The following HORMAD2 variants were observed in gnomAD, a reference collection of about 807,000 sequenced individuals.
HORMAD2 encodes HORMA domain containing 2, also known as HORMA domain-containing protein 2.
Under a neutral mutation model 38.8 loss-of-function variants are expected in HORMAD2, and 45 were observed. That is an observed-to-expected ratio of 1.16 (90% CI 0.91 to 1.49). The LOEUF is 1.49. Ranked by LOEUF, HORMAD2 falls within the 40% of genes most tolerant of loss-of-function variation. The pLI is 0.00. For missense variants in HORMAD2, 338 were observed against 367.0 expected, an observed-to-expected ratio of 0.92 and a Z score of 0.65; for synonymous variants, 126 against 122.8, an observed-to-expected ratio of 1.03 and a Z score of -0.17.
chr22:30,112,936 A>T (rs1256228682), intron 7 of HORMAD2, among the ~76,000 whole-genome samples: 2 of 152,138 alleles, frequency 1.3e-5, no homozygotes, highest in African/African-American at 2.4e-5. Context: ...TTGGGAAAAT[A>T]AATGAGATAT....
chr22:30,121,527 T>G, intron 8 of HORMAD2, 105 bp from the exon 9 acceptor site: 1 of 865,250 alleles, frequency 1.2e-6, no homozygotes, highest in Non-Finnish European at 1.6e-6. Context: ...CAAAATATAC[T>G]AATGTTTAAT....
chr22:30,108,866 T>C (rs74823740), intron 5 of HORMAD2, among the ~76,000 whole-genome samples: 2,787 of 152,238 alleles, frequency 0.018, 83 homozygotes, highest in African/African-American at 0.063. Flanking sequence ...TCCTTTGATA[T>C]GAAATTATGG....
intron 4 of HORMAD2, 62 bp from the exon 5 acceptor site, chr22:30,104,339 A>G: frequency 1.5e-6 from 2 of 1,314,358 alleles, no homozygotes; most frequent in Non-Finnish European, 2.2e-6. Flanking sequence ...TGAATTCTGT[A>G]CTTGGAATTT....
At chr22:30,134,776 G>A (rs1301870962) in intron 10 of HORMAD2, among the ~76,000 whole-genome samples, 1 of 151,968 alleles carries the variant, frequency 6.6e-6, no homozygotes, top group Non-Finnish European at 1.5e-5. Context: ...TTATATTGAG[G>A]CCTACTATGC....
chr22:30,111,752 T>TGG (rs1182557086), intron 5 of HORMAD2, 44 bp from the exon 6 acceptor site: 3 of 1,425,408 alleles, frequency 2.1e-6, no homozygotes, highest in Non-Finnish European at 2.9e-6. Context: ...ATAATATAGG[T>TGG]GCAAGTATGT....
In HORMAD2 at chr22:30,121,747, A is replaced by G. The variant is rs1042160250; in HGVS notation, c.526A>G (p.Asn176Asp). 12 of 1,612,750 alleles carry G rather than the reference A, an allele frequency of 7.4e-6. No individual in the cohort carries two copies. The highest frequency in any genetic ancestry group is 1.6e-4 in the Middle Eastern group (1 of 6,062). Residue 176 changes from asparagine to aspartate, a missense_variant, in exon 9 of 11, where the codon AAT becomes GAT. Coordinates refer to ENST00000336726, the MANE Select transcript of HORMAD2 (RefSeq NM_152510.4). ...GATGCAGGACCTTGAGCCACTTCCTAATAATGTTGTACTTACTATGAAACT... is the reference window on the plus strand; with the variant it reads ...GATGCAGGACCTTGAGCCACTTCCTGATAATGTTGTACTTACTATGAAACT... ...ILMQDLEPLP[N>D]NVVLTMKLHY...
At chr22:30,203,598 C>A in the HORMAD2 span, among the ~76,000 whole-genome samples, 1 of 152,160 alleles carries the variant, frequency 6.6e-6, no homozygotes, top group African/African-American at 2.4e-5. Context: ...CACATACATT[C>A]ACCCTTCCGG....
At chr22:30,184,703 C>T in the HORMAD2 span, 1 of 152,178 alleles carries the variant, frequency 6.6e-6, no homozygotes, top group East Asian at 1.9e-4. Context: ...TGACACCGTG[C>T]TGCCTAAAGC....
intron 10 of HORMAD2, among the ~76,000 whole-genome samples, chr22:30,158,590 C>T (rs1183411111): frequency 1.9e-5 from 2 of 105,292 alleles, no homozygotes; most frequent in Non-Finnish European, 1.8e-5. Context: ...CTTCTCCTTC[C>T]TTCCTTCCCT....
At chr22:30,153,933 C>T (rs1924912681) in intron 10 of HORMAD2, among the ~76,000 whole-genome samples, 1 of 152,148 alleles carries the variant, frequency 6.6e-6, no homozygotes, top group Non-Finnish European at 1.5e-5. Flanking sequence ...GCAAACAGTA[C>T]CTCTCCAGTG....
At chr22:30,136,282 TTC>T (rs1432475084) in intron 10 of HORMAD2, among the ~76,000 whole-genome samples, 3 of 152,228 alleles carry the variant, frequency 2.0e-5, no homozygotes, top group Non-Finnish European at 4.4e-5. Flanking sequence ...ACAACATTTT[TTC>T]TGTTTTTAAT....
At chr22:30,091,371 G>A (rs538062742) in intron 1 of HORMAD2, among the ~76,000 whole-genome samples, 20 of 150,136 alleles carry the variant, frequency 1.3e-4, no homozygotes, top group African/African-American at 4.6e-4. Flanking sequence ...CTGGGCTCAA[G>A]TAGTCCACCT....
chr22:30,201,750 A>G, the HORMAD2 span, among the ~76,000 whole-genome samples: 2 of 151,814 alleles, frequency 1.3e-5, no homozygotes, highest in Admixed American at 6.6e-5. Context: ...CGGGGGACAC[A>G]ATCCCGCAAC....
rs1215958595 is a variant in HORMAD2, at chr22:30,176,427, A to T, written c.*260A>T. On this transcript the variant is annotated 3_prime_UTR_variant, in exon 11 of 11. Transcript: ENST00000336726. ...CTGGGTTAGAGATGAGGCACCTTTT[A>T]TATTATATTTGTAAAAGAACCACAG... 1 of 352,482 alleles carries T rather than the reference A, an allele frequency of 2.8e-6. No homozygotes were observed. The highest frequency in any genetic ancestry group is 5.2e-6 in the Non-Finnish European group (1 of 193,666). 21.8% of individuals were successfully genotyped at this position (352,482 alleles called of 1,614,324 possible).
At position 30,177,059 on chromosome 22, in the gene HORMAD2, A is replaced by T. The variant is rs961613995; in HGVS notation, c.*892A>T. The stretch of plus-strand genomic sequence containing the variant: ...TTAAGTGTGTGACTTATGGTTAAAT[A>T]AAATGAAAATACAAGACTTTTTTTT... On this transcript the variant is annotated 3_prime_UTR_variant, in exon 11 of 11. Coordinates refer to ENST00000336726, the MANE Select transcript of HORMAD2 (RefSeq NM_152510.4). 2 of 152,754 alleles carry T rather than the reference A, an allele frequency of 1.3e-5. No individual in the cohort carries two copies. Among genetic ancestry groups the T allele is most frequent in the African/African-American group, 2.4e-5 (1 of 41,470 alleles). 9.5% of individuals were successfully genotyped at this position (152,754 alleles called of 1,614,324 possible).
chr22:30,167,654 T>C (rs1356764500), intron 10 of HORMAD2, among the ~76,000 whole-genome samples: 1 of 152,084 alleles, frequency 6.6e-6, no homozygotes, highest in Non-Finnish European at 1.5e-5. Flanking sequence ...TGAGGAAAAA[T>C]TGGTTACAAA....
At chr22:30,165,298 A>G (rs1925709809) in intron 10 of HORMAD2, among the ~76,000 whole-genome samples, 1 of 152,092 alleles carries the variant, frequency 6.6e-6, no homozygotes, top group African/African-American at 2.4e-5. Flanking sequence ...CACTGTTTTG[A>G]TTACTGTAGG....
chr22:30,151,387 G>A (rs541090372), intron 10 of HORMAD2, among the ~76,000 whole-genome samples: 12 of 152,304 alleles, frequency 7.9e-5, no homozygotes, highest in African/African-American at 2.9e-4. Context: ...TCAAGAGTTA[G>A]TTTATAGGAC....
chr22:30,137,156 C>T, intron 10 of HORMAD2: 1 of 508,656 alleles, frequency 2.0e-6, no homozygotes, highest in Non-Finnish European at 3.7e-6. Context: ...AGATAAGATC[C>T]ATGCCATGGA....
Sources: allele counts gnomAD v4.1 joint callset (sites outside exome capture counted in the v4.1 genomes callset), GRCh38; gene constraint gnomAD v4.1.1; transcripts MANE v1.5; gene names NCBI Gene and HGNC (gene_info 2026-07-23, HGNC 2026-07-21).